IFT81: variants seen among roughly 807,000 people sequenced by gnomAD.
IFT81 encodes the protein intraflagellar transport protein 81 homolog.
Under a neutral mutation model 102.6 loss-of-function variants are expected in IFT81, and 72 were observed. The ratio of observed to expected loss-of-function variants is 0.70; its 90% CI spans 0.58 to 0.85. The LOEUF (loss-of-function observed/expected upper bound fraction) is 0.85. Ranked by LOEUF, IFT81 falls within the 40% of genes least tolerant of loss-of-function variation. The probability of loss-of-function intolerance (pLI) is 0.00; values close to 1 mark genes in which losing one functional copy is unlikely to be tolerated. For synonymous variants in IFT81, 237 were observed against 242.7 expected (o/e 0.98, Z 0.22); for missense variants, 723 against 787.3 (o/e 0.92, Z 0.98).
intron 18 of IFT81, among the ~76,000 whole-genome samples, chr12:110,216,172 G>C (rs1870100584): frequency 6.6e-6 from 1 of 151,714 alleles, no homozygotes; most frequent in Admixed American, 6.6e-5. Flanking sequence ...GCCTTGGTTT[G>C]GTTGTTTTGT....
At chr12:110,178,711 G>A (rs1428296486) in intron 11 of IFT81, among the ~76,000 whole-genome samples, 10 of 131,880 alleles carry the variant, frequency 7.6e-5, no homozygotes, top group African/African-American at 2.9e-5. Context: ...CGCCTCCCGG[G>A]TTCAAGCAAT....
chr12:110,179,773 T>TATATATATACAC (rs774113734), intron 11 of IFT81, among the ~76,000 whole-genome samples: 4 of 50,482 alleles, frequency 7.9e-5, no homozygotes, highest in Non-Finnish European at 1.7e-4. Flanking sequence ...TATATATATA[T>TATATATATACAC]ACACACACAC....
intron 18 of IFT81, chr12:110,216,735 A>G (rs1025534665): frequency 1.5e-5 from 6 of 394,118 alleles, no homozygotes; most frequent in African/African-American, 1.3e-4. Flanking sequence ...CATGTTGGCC[A>G]GGCTGGTCTC....
At chr12:110,160,284 T>G (rs780189733) in intron 10 of IFT81, among the ~76,000 whole-genome samples, 3 of 152,078 alleles carry the variant, frequency 2.0e-5, no homozygotes, top group Non-Finnish European at 4.4e-5. Flanking sequence ...GAAAATCCAA[T>G]AGCGGCTCAG....
rs1870415296 is a variant in IFT81, at chr12:110,218,391, A to G, written c.*165A>G. 6.2e-6 allele frequency: 3 copies of G among 485,914 alleles called. No individual in the cohort carries two copies. The highest frequency in any genetic ancestry group is 2.0e-5 in the African/African-American group (1 of 49,618). 30.1% of individuals were successfully genotyped at this position (485,914 alleles called of 1,614,324 possible). On this transcript the variant is annotated 3_prime_UTR_variant, in exon 19 of 19. Transcript: ENST00000242591. ...TAATGTTAAGGTAGATTTAGTTTGA[A>G]TGTTTTTTCATATGAAAAAGAGGCT...
chr12:110,157,014 A>ATT (rs200174665), intron 10 of IFT81, among the ~76,000 whole-genome samples: 3 of 130,994 alleles, frequency 2.3e-5, no homozygotes, highest in Middle Eastern at 3.9e-3. Context: ...TGACAGTTTG[A>ATT]TTTTTTTTTT....
At chr12:110,158,988 C>T (rs1438584861) in intron 10 of IFT81, among the ~76,000 whole-genome samples, 1 of 151,448 alleles carries the variant, frequency 6.6e-6, no homozygotes, top group Non-Finnish European at 1.5e-5. Context: ...TCCCAAAGTG[C>T]TGGGATTACA....
rs764141874 is a variant in IFT81, at chr12:110,205,492, A to G, written c.1694A>G (p.His565Arg). Residue 565 changes from histidine (H) to arginine (R), a missense_variant, in exon 16 of 19, where the codon CAT (histidine) becomes CGT (arginine). Transcript: ENST00000242591. ...EECLQEESRYHYTNCMIKNLE... is the reference protein window; with the variant it reads ...EECLQEESRYRYTNCMIKNLE... ...TGTCTTCAAGAAGAAAGTAGATACCATTATACAAATTGTATGATTAAGGTA... is the reference window on the plus strand; with the variant it reads ...TGTCTTCAAGAAGAAAGTAGATACCGTTATACAAATTGTATGATTAAGGTA... The G allele has an allele frequency of 2.6e-5, 42 of 1,604,716 alleles. No homozygotes were observed. The highest frequency in any genetic ancestry group is 3.2e-5 in the Non-Finnish European group (38 of 1,176,552).
chr12:110,199,546 C>T (rs1207906421), intron 14 of IFT81, among the ~76,000 whole-genome samples: 2 of 151,972 alleles, frequency 1.3e-5, no homozygotes, highest in Non-Finnish European at 2.9e-5. Flanking sequence ...AGATTTGCGA[C>T]CAAAAAAAGG....
At chr12:110,160,856 G>C (rs985797676) in intron 10 of IFT81, among the ~76,000 whole-genome samples, 2 of 152,126 alleles carry the variant, frequency 1.3e-5, no homozygotes, top group South Asian at 4.2e-4. Flanking sequence ...ATATAAACAT[G>C]CAAATTCCAA....
intron 10 of IFT81, 60 bp downstream of exon 10, chr12:110,147,108 C>A: frequency 2.3e-6 from 3 of 1,307,560 alleles, no homozygotes; most frequent in Non-Finnish European, 3.2e-6. Context: ...GAACCACTGG[C>A]TGTGTTATCT....
chr12:110,127,313 T>A (rs1893903504), intron 1 of IFT81, 47 bp from the exon 2 acceptor site: 2 of 1,387,074 alleles, frequency 1.4e-6, no homozygotes, highest in South Asian at 1.8e-5. Context: ...TACCCAGGAC[T>A]TTTGTTGCCA....
intron 5 of IFT81, among the ~76,000 whole-genome samples, chr12:110,133,055 C>T (rs1894268887): frequency 6.7e-6 from 1 of 149,814 alleles, no homozygotes; most frequent in African/African-American, 2.5e-5. Flanking sequence ...ACTACAGTCT[C>T]GACATCCCAG....
chr12:110,134,515 T>C (rs897553108), intron 5 of IFT81, among the ~76,000 whole-genome samples: 1 of 152,230 alleles, frequency 6.6e-6, no homozygotes. Context: ...GAAAATACCA[T>C]AGCCTTAAAA....
chr12:110,168,757 A>G (rs1056380511), intron 11 of IFT81: 2 of 152,234 alleles, frequency 1.3e-5, no homozygotes, highest in Non-Finnish European at 2.9e-5. Flanking sequence ...AAAAGACTGA[A>G]GAAAGACATA....
chr12:110,197,942 C>T (rs1898088220), intron 14 of IFT81, among the ~76,000 whole-genome samples: 1 of 152,082 alleles, frequency 6.6e-6, no homozygotes, highest in Admixed American at 6.6e-5. Context: ...GAACTCCTGA[C>T]CTTAGGTGAT....
intron 11 of IFT81, among the ~76,000 whole-genome samples, chr12:110,179,216 G>A (rs896492330): frequency 3.3e-5 from 5 of 152,146 alleles, no homozygotes; most frequent in South Asian, 2.1e-4. Context: ...TGATGGTTCC[G>A]GTTGGCTATA....
Position 110,160,081 on chromosome 12 carries a change from C to T in IFT81, c.1042-2838C>T, listed in dbSNP as rs529267007. On this transcript the variant is annotated intron_variant, in intron 10 of 18. Coordinates refer to ENST00000242591, the MANE Select transcript of IFT81 (RefSeq NM_014055.4). ...AGAATCTCGCCTCCTCAAACGGTTT[C>T]GAAACTCTTTTTTGTAAAATTTATG... Among the ~76,000 whole-genome samples the T allele has an allele frequency of 2.6e-5, 4 of 152,192 alleles. No homozygotes were observed. In the East Asian group the frequency reaches 5.8e-4, roughly 22 times the overall value.
At chr12:110,171,508 C>G (rs990160213) in intron 11 of IFT81, among the ~76,000 whole-genome samples, 2 of 152,144 alleles carry the variant, frequency 1.3e-5, no homozygotes, top group African/African-American at 2.4e-5. Flanking sequence ...AGTTAACTAG[C>G]CACTACCATA....
Sources: allele counts gnomAD v4.1 joint callset (sites outside exome capture counted in the v4.1 genomes callset), GRCh38; gene constraint gnomAD v4.1.1; transcripts MANE v1.5; gene names NCBI Gene and HGNC (gene_info 2026-07-23, HGNC 2026-07-21).